The following ROBO1 variants were observed in gnomAD, a reference collection of about 807,000 sequenced individuals.
ROBO1 encodes roundabout homolog 1.
In ROBO1, 149 loss-of-function variants were observed where a neutral mutation model predicts 195.9. The observed-to-expected ratio is 0.76, with a 90% CI of 0.67 to 0.87. The LOEUF (loss-of-function observed/expected upper bound fraction) is 0.87, where lower values mean the gene tolerates loss of function less well. ROBO1 is among the 40% of genes least tolerant of loss of function. ROBO1 has a pLI of 0.00. For missense variants in ROBO1, 1,933 were observed against 2,068.3 expected (o/e 0.93, Z 1.27); for synonymous variants, 816 against 733.2 (o/e 1.11, Z -1.82).
intron 1 of ROBO1, among the ~76,000 whole-genome samples, chr3:79,726,063 C>T (rs1203966627): frequency 6.6e-6 from 1 of 152,084 alleles, no homozygotes; most frequent in Admixed American, 6.5e-5. Context: ...CGGCTGGGTT[C>T]CTCGTCAGAA....
At chr3:78,891,345 G>A (rs972218793) in intron 4 of ROBO1, among the ~76,000 whole-genome samples, 42 of 137,674 alleles carry the variant, frequency 3.1e-4, no homozygotes, top group Non-Finnish European at 6.1e-4. Flanking sequence ...TGGCCAATAC[G>A]CACATTTAAA....
intron 2 of ROBO1, among the ~76,000 whole-genome samples, chr3:79,150,699 A>G (rs1191388048): frequency 6.6e-6 from 1 of 151,872 alleles, no homozygotes; most frequent in Admixed American, 6.6e-5. Context: ...TTTGCATTCT[A>G]TTTCAGAAAG....
chr3:78,786,037 T>A (rs1359340657), intron 4 of ROBO1, among the ~76,000 whole-genome samples: 2 of 152,266 alleles, frequency 1.3e-5, no homozygotes, highest in East Asian at 3.9e-4. Flanking sequence ...TAAATTAAAT[T>A]AATGTGAACT....
chr3:79,711,957 G>A (rs565079047), intron 1 of ROBO1, among the ~76,000 whole-genome samples: 4 of 152,028 alleles, frequency 2.6e-5, no homozygotes, highest in South Asian at 2.1e-4. Context: ...AACTTTGCCC[G>A]TATAGGACAG....
intron 4 of ROBO1, among the ~76,000 whole-genome samples, chr3:78,864,796 G>A (rs1362277017): frequency 1.3e-5 from 2 of 148,622 alleles, no homozygotes; most frequent in East Asian, 4.0e-4. Flanking sequence ...AACCCTGTTT[G>A]TACACAAGAA....
intron 10 of ROBO1, among the ~76,000 whole-genome samples, chr3:78,679,382 A>G (rs2080830015): frequency 6.6e-6 from 1 of 152,190 alleles, no homozygotes; most frequent in South Asian, 2.1e-4. Flanking sequence ...GAGGAAGTCA[A>G]ATTGTCCCTG....
At chr3:78,973,606 T>G (rs2076822058) in intron 3 of ROBO1, among the ~76,000 whole-genome samples, 1 of 146,456 alleles carries the variant, frequency 6.8e-6, no homozygotes, top group East Asian at 2.0e-4. Context: ...TATAGCTTCT[T>G]AGGTTAATAA....
intron 4 of ROBO1, among the ~76,000 whole-genome samples, chr3:78,851,027 G>A (rs976148316): frequency 2.0e-5 from 3 of 151,942 alleles, no homozygotes; most frequent in South Asian, 2.1e-4. Flanking sequence ...GGCTGGTCTC[G>A]AACTCCTGAC....
chr3:79,628,432 A>G (rs1234750662), intron 1 of ROBO1, among the ~76,000 whole-genome samples: 1 of 152,142 alleles, frequency 6.6e-6, no homozygotes, highest in Admixed American at 6.5e-5. Context: ...AAGTTGAACA[A>G]TGAGAACACA....
chr3:79,272,543 A>G (rs1661765600), intron 2 of ROBO1, among the ~76,000 whole-genome samples: 1 of 152,136 alleles, frequency 6.6e-6, no homozygotes, highest in South Asian at 2.1e-4. Flanking sequence ...TGAATTGCCT[A>G]CACTATGCTT....
At chr3:78,905,341 C>T (rs112214245) in intron 4 of ROBO1, among the ~76,000 whole-genome samples, 2 of 152,176 alleles carry the variant, frequency 1.3e-5, no homozygotes, top group Non-Finnish European at 2.9e-5. Context: ...TCCAACATTA[C>T]AACTCTGCTG....
intron 4 of ROBO1, among the ~76,000 whole-genome samples, chr3:78,815,953 C>A (rs1018448421): frequency 6.6e-6 from 1 of 152,048 alleles, no homozygotes; most frequent in Admixed American, 6.6e-5. Context: ...TTCCAGTTAT[C>A]CAGAAGACCT....
chr3:79,717,699 CAT>C (rs1217850073), intron 1 of ROBO1, among the ~76,000 whole-genome samples: 3 of 151,886 alleles, frequency 2.0e-5, no homozygotes, highest in African/African-American at 7.2e-5. Flanking sequence ...TTATAGAATG[CAT>C]ATATGTTAGA....
intron 10 of ROBO1, among the ~76,000 whole-genome samples, chr3:78,682,486 T>A (rs1243796248): frequency 7.4e-6 from 1 of 134,580 alleles, no homozygotes; most frequent in Non-Finnish European, 1.6e-5. Flanking sequence ...TGTGTATATA[T>A]GTGTATATGT....
intron 2 of ROBO1, among the ~76,000 whole-genome samples, chr3:79,376,732 A>G (rs2036399417): frequency 6.6e-6 from 1 of 152,212 alleles, no homozygotes; most frequent in South Asian, 2.1e-4. Context: ...TAAGTTACAC[A>G]GTCTTGGGTA....
chr3:79,387,354 T>C (rs937440097), intron 2 of ROBO1, among the ~76,000 whole-genome samples: 10 of 151,838 alleles, frequency 6.6e-5, no homozygotes, highest in African/African-American at 2.4e-4. Flanking sequence ...CAAATGGCTA[T>C]ATAAAATTTT....
intron 4 of ROBO1, among the ~76,000 whole-genome samples, chr3:78,799,712 A>C (rs2084306206): frequency 1.3e-5 from 2 of 151,714 alleles, no homozygotes; most frequent in African/African-American, 4.8e-5. Context: ...TCCTTTTTCT[A>C]ATCTACTGGA....
intron 4 of ROBO1, among the ~76,000 whole-genome samples, chr3:78,783,230 C>T (rs1047968914): frequency 6.6e-6 from 1 of 152,124 alleles, no homozygotes; most frequent in South Asian, 2.1e-4. Context: ...CCATCATCCA[C>T]CTCCTCTGAG....
At chr3:78,900,468 G>C (rs575467230) in intron 4 of ROBO1, among the ~76,000 whole-genome samples, 139 of 152,190 alleles carry the variant, frequency 9.1e-4, no homozygotes, top group Non-Finnish European at 1.4e-3. Flanking sequence ...AGCTCTAATG[G>C]AAGAACTTGC....
Sources: allele counts gnomAD v4.1 joint callset (sites outside exome capture counted in the v4.1 genomes callset), GRCh38; gene constraint gnomAD v4.1.1; transcripts MANE v1.5; gene names NCBI Gene and HGNC (gene_info 2026-07-23, HGNC 2026-07-21).